Variants in CDH4 observed in about 807,000 individuals in gnomAD.
CDH4 encodes cadherin-4.
Under a neutral mutation model 86.0 loss-of-function variants are expected in CDH4, and 33 were observed. That is an observed-to-expected ratio of 0.38 (90% CI 0.29 to 0.51). CDH4 has a LOEUF of 0.51. CDH4 is among the 20% of genes least tolerant of loss of function. The pLI is 0.86. For synonymous variants in CDH4, 555 were observed against 549.4 expected (o/e 1.01, Z -0.14); for missense variants, 1,114 against 1,307.4 (o/e 0.85, Z 2.28).
chr20:61,692,167 A>G (rs928773109), intron 2 of CDH4, among the ~76,000 whole-genome samples: 58 of 141,728 alleles, frequency 4.1e-4, no homozygotes, highest in African/African-American at 1.4e-3. Flanking sequence ...GTGTGTCTGC[A>G]TGTATGTGTT....
rs114370367 is a variant in CDH4 at position 61,581,131 on chromosome 20, G to C, written c.170-162432G>C. 4.4e-3 allele frequency among the ~76,000 whole-genome samples: 675 copies of C among 152,306 alleles called. 2 individuals are homozygous for C. Among genetic ancestry groups the C allele is most frequent in the African/African-American group, 0.015 (642 of 41,568 alleles). ...CCTCCCAGGAGTCGCCTTGCTTCCC[G>C]CTGGCCTGGTCTGCAGAGGAGGCAG... On this transcript the variant is annotated intron_variant, in intron 2 of 15. Transcript: ENST00000614565.
intron 2 of CDH4, among the ~76,000 whole-genome samples, chr20:61,543,330 TGGAAC>T (rs1222704644): frequency 1.3e-5 from 2 of 152,218 alleles, no homozygotes; most frequent in Non-Finnish European, 2.9e-5. Context: ...AGATGGGAGT[TGGAAC>T]GGAGCAATGG....
At chr20:61,573,756 C>G (rs534937904) in intron 2 of CDH4, among the ~76,000 whole-genome samples, 1 of 152,316 alleles carries the variant, frequency 6.6e-6, no homozygotes, top group East Asian at 1.9e-4. Context: ...CTGGGCCCTC[C>G]CATGGCAGAA....
intron 1 of CDH4, among the ~76,000 whole-genome samples, chr20:61,253,010 C>A (rs1003490185): frequency 6.6e-6 from 1 of 151,674 alleles, no homozygotes; most frequent in African/African-American, 2.4e-5. Flanking sequence ...GGGCGCCCGG[C>A]GGCTGCGGGC....
At position 61,743,635 on chromosome 20, in the gene CDH4, C is replaced by T. The variant is rs888923510; in HGVS notation, c.242C>T (p.Ala81Val). Residue 81 changes from alanine to valine, a missense_variant, in exon 3 of 16, where the codon GCA becomes GTA. Ala to Val is a moderately conservative substitution (Grantham distance 64). Around this residue, in one of 3 missense-constraint regions of CDH4, gnomAD observed 221 missense variants for 209.5 expected, o/e 1.05. Transcript: ENST00000614565. ...AACAGCATGGACTTCAAAGTTGGGG[C>T]AGATGGGACAGTCTTCGCCACCCGG... ...ETNSMDFKVGADGTVFATREL... is the reference protein window; with the variant it reads ...ETNSMDFKVGVDGTVFATREL... 1.3e-6 allele frequency: 2 copies of T among 1,592,028 alleles called. No individual in the cohort carries two copies. The highest frequency in any genetic ancestry group is 1.3e-5 in the African/African-American group (1 of 74,644).
intron 2 of CDH4, among the ~76,000 whole-genome samples, chr20:61,353,620 CT>C (rs2084726724): frequency 7.1e-5 from 1 of 14,166 alleles, no homozygotes. Flanking sequence ...CCTCTTCCTC[CT>C]CCTCCTCATC....
At position 61,681,978 on chromosome 20, in the gene CDH4, G is replaced by C. The variant is rs547787128; in HGVS notation, c.170-61585G>C. ...GGTTGTCATTGCAGAAGGAAGCCCA[G>C]TGGGTTTCAGCTGCTAGTGGAGAAC... On this transcript the variant is annotated intron_variant, in intron 2 of 15. Coordinates refer to ENST00000614565, the MANE Select transcript of CDH4 (RefSeq NM_001794.5). This position sits in a 1 kb window ranked among gnomAD's most constrained non-coding sequence, Gnocchi z 4.5. 6.6e-6 allele frequency among the ~76,000 whole-genome samples: 1 copy of C among 152,248 alleles called. No homozygotes were observed. Among genetic ancestry groups the C allele is most frequent in the South Asian group, 2.1e-4 (1 of 4,832 alleles).
chr20:61,707,699 G>C (rs1467672371), intron 2 of CDH4, among the ~76,000 whole-genome samples: 2 of 152,194 alleles, frequency 1.3e-5, no homozygotes, highest in East Asian at 3.9e-4. Flanking sequence ...ACCATGAGTA[G>C]GGGGGACGGT....
intron 2 of CDH4, among the ~76,000 whole-genome samples, chr20:61,323,442 T>G (rs952755920): frequency 3.3e-5 from 5 of 152,194 alleles, no homozygotes; most frequent in African/African-American, 1.2e-4. Flanking sequence ...TTCTATTCAG[T>G]TGGCTGAATC....
At chr20:61,467,297 C>T (rs1189029683) in intron 2 of CDH4, among the ~76,000 whole-genome samples, 1 of 152,170 alleles carries the variant, frequency 6.6e-6, no homozygotes, top group Non-Finnish European at 1.5e-5. Flanking sequence ...TTCAATTCAC[C>T]ACAATGACAT....
At chr20:61,701,959 C>T (rs548640484) in intron 2 of CDH4, among the ~76,000 whole-genome samples, 1 of 152,284 alleles carries the variant, frequency 6.6e-6, no homozygotes, top group African/African-American at 2.4e-5. Context: ...CGTGAAGCCT[C>T]GTCCTCCTCC....
intron 2 of CDH4, among the ~76,000 whole-genome samples, chr20:61,307,069 T>A (rs2084421091): frequency 6.6e-6 from 1 of 152,136 alleles, no homozygotes; most frequent in South Asian, 2.1e-4. Context: ...AAAGCAAAAG[T>A]CCACTCCGAG....
chr20:61,667,227 G>A (rs2087336001), intron 2 of CDH4, among the ~76,000 whole-genome samples: 1 of 152,252 alleles, frequency 6.6e-6, no homozygotes, highest in African/African-American at 2.4e-5. Flanking sequence ...AGGCTGAGAG[G>A]GTCTTGGGCA....
At chr20:61,598,959 C>T (rs2086577272) in intron 2 of CDH4, among the ~76,000 whole-genome samples, 1 of 152,226 alleles carries the variant, frequency 6.6e-6, no homozygotes, top group African/African-American at 2.4e-5. Flanking sequence ...ATCTTGAGGT[C>T]CGTTGGGCTA....
At chr20:61,299,582 G>A (rs929237386) in intron 2 of CDH4, among the ~76,000 whole-genome samples, 1 of 152,126 alleles carries the variant, frequency 6.6e-6, no homozygotes, top group Non-Finnish European at 1.5e-5. Context: ...TTGAAAAGGA[G>A]GTTACTCCTG....
chr20:61,796,145 A>C (rs1057215456), intron 4 of CDH4, among the ~76,000 whole-genome samples: 5 of 151,998 alleles, frequency 3.3e-5, no homozygotes, highest in African/African-American at 1.2e-4. Context: ...GGCTGTTTAC[A>C]GTCCTTCCCT....
intron 2 of CDH4, among the ~76,000 whole-genome samples, chr20:61,661,683 T>A (rs1297781861): frequency 6.6e-6 from 1 of 152,136 alleles, no homozygotes; most frequent in East Asian, 1.9e-4. Context: ...CCTTTGTGTT[T>A]GTCACCTTTG....
intron 13 of CDH4, 116 bp from the exon 14 acceptor site, chr20:61,932,869 C>T: frequency 7.3e-7 from 1 of 1,364,392 alleles, no homozygotes; most frequent in Non-Finnish European, 1.0e-6. Context: ...CACATGGGCA[C>T]AGTCATGCTT....
chr20:61,378,455 C>T (rs1170877217), intron 2 of CDH4, among the ~76,000 whole-genome samples: 4 of 152,128 alleles, frequency 2.6e-5, no homozygotes, highest in African/African-American at 9.7e-5. Context: ...TGCTCCCTCC[C>T]TGGGTTTCTC....
Sources: gnomAD v4.1 joint callset for allele counts (sites outside exome capture counted in the v4.1 genomes callset) on GRCh38, gnomAD v4.1.1 for gene constraint, gnomAD v4.1.1 regional missense constraint, Gnocchi (gnomAD v3.1) non-coding constraint, MANE v1.5 for transcripts, NCBI Gene and HGNC (gene_info 2026-07-23, HGNC 2026-07-21) for gene names.